The following EYA3 variants were observed in gnomAD, a reference collection of about 807,000 sequenced individuals.
EYA3 encodes the protein protein phosphatase EYA3.
Under a neutral mutation model 80.0 loss-of-function variants are expected in EYA3, and 39 were observed. That is an observed-to-expected ratio of 0.49 (90% CI 0.38 to 0.64). The LOEUF is 0.64. Among genes scored for constraint, EYA3 ranks in the 30% least tolerant of loss-of-function variants. The pLI, the probability that EYA3 is intolerant of heterozygous loss-of-function variation, is 0.00. For synonymous variants in EYA3, 206 were observed against 232.8 expected, an observed-to-expected ratio of 0.88 and a Z score of 1.05; for missense variants, 523 against 676.1, an observed-to-expected ratio of 0.77 and a Z score of 2.51.
At chr1:28,068,046 C>G (rs983235555) in intron 1 of EYA3, among the ~76,000 whole-genome samples, 2 of 152,008 alleles carry the variant, frequency 1.3e-5, no homozygotes, top group Non-Finnish European at 2.9e-5. Flanking sequence ...AGCATAAAAC[C>G]CTCCCTTTTA....
At chr1:27,975,487 AT>A (rs35806831) in intron 17 of EYA3, among the ~76,000 whole-genome samples, 30,102 of 133,310 alleles carry the variant, frequency 0.23, 2,988 homozygotes, top group Non-Finnish European at 0.27. Context: ...TGGAGGCCAT[AT>A]TTTTTTTTTT....
chr1:27,974,341 AAGAGAGAGAGATAGAGACAGAGACAC>A lies in EYA3; in HGVS notation c.*99_*124del. ...AGAGAGGGAGAGAGAGAAAGAGAGA[AAGAGAGAGAGATAGAGACAGAGACAC>A]AGAGAGAGACAGACAGAGAAAGTTC... On this transcript the variant is annotated 3_prime_UTR_variant, in exon 18 of 18. Transcript: ENST00000373871. 1 of 565,868 alleles carries A rather than the reference AAGAGAGAGAGATAGAGACAGAGACAC, an allele frequency of 1.8e-6. No homozygotes were observed. The highest frequency in any genetic ancestry group is 3.1e-6 in the Non-Finnish European group (1 of 325,512). 35.1% of individuals were successfully genotyped at this position (565,868 alleles called of 1,614,324 possible).
intron 4 of EYA3, among the ~76,000 whole-genome samples, chr1:28,042,113 A>C (rs1557606045): frequency 6.6e-6 from 1 of 152,230 alleles, no homozygotes; most frequent in Non-Finnish European, 1.5e-5. Flanking sequence ...TCTACATTAC[A>C]AACAAGTATT....
In EYA3 at chr1:28,080,661, A is replaced by G. The variant is rs1489501001; in HGVS notation, c.-69+7863T>C. 8.4e-5 allele frequency among the ~76,000 whole-genome samples: 12 copies of G among 142,582 alleles called. No homozygotes were observed. In the East Asian group the frequency reaches 2.2e-3, roughly 26 times the overall value. The allele number at this position is 142,582 out of a possible 152,430, so 93.5% of individuals were successfully genotyped here. A position where few individuals can be genotyped will look rare whatever the true frequency, so the allele number is the denominator to read the frequency against. Reference sequence around the variant, plus strand: ...AAAAGTTTAAAAGCCACTTTATCAGAAAAAAAAAAAAAATGGCCAGTCAAA... The same window carrying G: ...AAAAGTTTAAAAGCCACTTTATCAGGAAAAAAAAAAAAATGGCCAGTCAAA... On this transcript the variant is annotated intron_variant, in intron 1 of 17. Transcript: ENST00000373871.
chr1:28,015,339 A>G (rs1297150616), intron 8 of EYA3, among the ~76,000 whole-genome samples: 4 of 152,156 alleles, frequency 2.6e-5, no homozygotes, highest in Non-Finnish European at 5.9e-5. Context: ...AAGCAATAAG[A>G]CTTGGATTCT....
At chr1:28,028,482 A>G (rs1642919090) in intron 6 of EYA3, among the ~76,000 whole-genome samples, 1 of 152,312 alleles carries the variant, frequency 6.6e-6, no homozygotes, top group South Asian at 2.1e-4. Context: ...ACAGAAATAC[A>G]TAATTTAGAA....
At chr1:28,035,848 T>C (rs1165024047) in intron 5 of EYA3, among the ~76,000 whole-genome samples, 168 bp from the exon 6 acceptor site, 2 of 152,198 alleles carry the variant, frequency 1.3e-5, no homozygotes, top group Non-Finnish European at 2.9e-5. Flanking sequence ...AGAGTCTTGC[T>C]CTGTCGCCCA....
At chr1:28,055,462 C>CTTTTTTTTTTTTTTTT (rs531586344) in intron 2 of EYA3, among the ~76,000 whole-genome samples, 9 of 106,940 alleles carry the variant, frequency 8.4e-5, no homozygotes, top group African/African-American at 3.4e-4. Flanking sequence ...TAAAGAAAAT[C>CTTTTTTTTTTTTTTTT]TTTTTTTTTT....
chr1:27,978,703 C>T (rs60161336), intron 16 of EYA3, among the ~76,000 whole-genome samples: 10,320 of 152,252 alleles, frequency 0.068, 611 homozygotes, highest in East Asian at 0.25. Flanking sequence ...GTGGCTCAAG[C>T]CTGTAATCCC....
intron 4 of EYA3, among the ~76,000 whole-genome samples, chr1:28,042,299 A>T (rs542105564): frequency 6.6e-6 from 1 of 152,330 alleles, no homozygotes; most frequent in South Asian, 2.1e-4. Context: ...TCTGTAAGAC[A>T]CTATTACCTT....
chr1:28,032,784 C>CT (rs1238401410), intron 6 of EYA3, among the ~76,000 whole-genome samples: 1 of 152,284 alleles, frequency 6.6e-6, no homozygotes, highest in East Asian at 1.9e-4. Flanking sequence ...TTCTTCTAGT[C>CT]TTTTCTCCTT....
At chr1:28,048,774 T>C (rs1013549512) in intron 2 of EYA3, among the ~76,000 whole-genome samples, 2 of 152,172 alleles carry the variant, frequency 1.3e-5, no homozygotes, top group Non-Finnish European at 2.9e-5. Flanking sequence ...ACAGTAAAGA[T>C]GGGAATCTAA....
At chr1:28,033,621 A>C (rs114170732) in intron 6 of EYA3, among the ~76,000 whole-genome samples, 103 of 148,444 alleles carry the variant, frequency 6.9e-4, no homozygotes, top group African/African-American at 2.3e-3. Flanking sequence ...TACTTTACAG[A>C]ATTTTTTTCT....
At position 28,073,125 on chromosome 1, in the gene EYA3, A is replaced by ATT. The variant is rs1436741265; in HGVS notation, c.-68-15032_-68-15031insAA. On this transcript the variant is annotated intron_variant, in intron 1 of 17. Transcript: ENST00000373871. ...CTATTATATATATATATATATATATATATTTTTTTTTTTTTTTTTTTTTTT... is the reference window on the plus strand; with the variant it reads ...CTATTATATATATATATATATATATATTTATTTTTTTTTTTTTTTTTTTTTTT... 1.8e-3 allele frequency among the ~76,000 whole-genome samples: 60 copies of ATT among 32,576 alleles called. 1 individual carries two copies. Among genetic ancestry groups the ATT allele is most frequent in the South Asian group, 4.5e-3 (4 of 896 alleles). 21.4% of individuals were successfully genotyped at this position (32,576 alleles called of 152,430 possible).
intron 16 of EYA3, among the ~76,000 whole-genome samples, chr1:27,986,321 C>T (rs1639650989): frequency 1.3e-5 from 2 of 151,664 alleles, no homozygotes; most frequent in Admixed American, 6.6e-5. Flanking sequence ...GCCAAGATCG[C>T]ACCATTGCAC....
intron 1 of EYA3, among the ~76,000 whole-genome samples, chr1:28,088,270 G>A (rs1176780965): frequency 6.6e-6 from 1 of 152,188 alleles, no homozygotes; most frequent in Non-Finnish European, 1.5e-5. Context: ...AAGAAACCGA[G>A]GTTGGAAAAG....
intron 10 of EYA3, among the ~76,000 whole-genome samples, chr1:28,008,132 T>A (rs1215926727): frequency 2.0e-5 from 3 of 152,170 alleles, no homozygotes; most frequent in Non-Finnish European, 4.4e-5. Flanking sequence ...CTTCTTTTAG[T>A]ATTTAACCTA....
chr1:27,997,803 A>C (rs184064329), intron 12 of EYA3, among the ~76,000 whole-genome samples: 35 of 152,258 alleles, frequency 2.3e-4, no homozygotes, highest in Non-Finnish European at 4.3e-4. Context: ...GTGCCCAATA[A>C]ATTTTTATAG....
intron 1 of EYA3, among the ~76,000 whole-genome samples, chr1:28,084,585 ATATATATATATTTTTTTTTTTTTTTTTTT>A (rs1272773244): frequency 1.1e-3 from 18 of 17,132 alleles, no homozygotes; most frequent in African/African-American, 5.0e-3. Flanking sequence ...ATATATATAT[ATATATATATATTTTTTTTTTTTTTTTTTT>A]TTTTTTTTTT....
Sources: gnomAD v4.1 joint callset for allele counts (sites outside exome capture counted in the v4.1 genomes callset) on GRCh38, gnomAD v4.1.1 for gene constraint, MANE v1.5 for transcripts, NCBI Gene and HGNC (gene_info 2026-07-23, HGNC 2026-07-21) for gene names.